Variants in ANXA13 observed in about 807,000 individuals in gnomAD.
ANXA13 encodes the protein annexin A13, also known as annexin XIII.
In ANXA13, 36 loss-of-function variants were observed where a neutral mutation model predicts 46.6. The observed-to-expected ratio is 0.77, with a 90% CI of 0.59 to 1.02. The LOEUF (loss-of-function observed/expected upper bound fraction) is 1.02. Ranked by LOEUF, ANXA13 falls within the 50% of genes least tolerant of loss-of-function variation. ANXA13 has a pLI of 0.00. For missense variants in ANXA13, 417 were observed against 396.5 expected (o/e 1.05, Z -0.44); for synonymous variants, 163 against 152.9 (o/e 1.07, Z -0.49).
chr8:123,701,385 G>T (rs13281855), intron 3 of ANXA13, among the ~76,000 whole-genome samples: 1 of 151,944 alleles, frequency 6.6e-6, no homozygotes, highest in Non-Finnish European at 1.5e-5. Flanking sequence ...CAGGAGAATC[G>T]CTTGAACCCG....
intron 1 of ANXA13, among the ~76,000 whole-genome samples, chr8:123,733,538 A>C (rs971570338): frequency 9.9e-5 from 15 of 152,180 alleles, no homozygotes; most frequent in African/African-American, 3.4e-4. Context: ...TGGAGACAAT[A>C]TTTATGTTGG....
chr8:123,699,925 C>A (rs374541031), intron 3 of ANXA13, among the ~76,000 whole-genome samples: 2 of 152,208 alleles, frequency 1.3e-5, no homozygotes, highest in East Asian at 1.9e-4. Context: ...CTTGTCAATA[C>A]TGAGCATTAC....
intron 1 of ANXA13, among the ~76,000 whole-genome samples, chr8:123,725,300 T>G (rs1312893638): frequency 6.6e-6 from 1 of 152,196 alleles, no homozygotes; most frequent in Non-Finnish European, 1.5e-5. Context: ...AATCTGAAGT[T>G]TGGGAGACAT....
At chr8:123,722,522 T>C (rs1813903481) in intron 1 of ANXA13, among the ~76,000 whole-genome samples, 1 of 152,114 alleles carries the variant, frequency 6.6e-6, no homozygotes, top group South Asian at 2.1e-4. Flanking sequence ...ATATTCTCGA[T>C]GATGAGAAAA....
chr8:123,718,133 C>T (rs997640649), intron 1 of ANXA13, among the ~76,000 whole-genome samples: 2 of 152,206 alleles, frequency 1.3e-5, no homozygotes, highest in East Asian at 3.8e-4. Context: ...GTTCCTACCA[C>T]GTAAGGTTCC....
At chr8:123,695,906 G>GCCCCCCCCCCCCCCCCCCCCCCCCCCCCC (rs369319261) in intron 4 of ANXA13, among the ~76,000 whole-genome samples, 185 bp from the exon 5 acceptor site, 1 of 91,152 alleles carries the variant, frequency 1.1e-5, no homozygotes, top group African/African-American at 4.2e-5. Flanking sequence ...GTGACGGCCC[G>GCCCCCCCCCCCCCCCCCCCCCCCCCCCCC]CCCCCCCCCC....
intron 4 of ANXA13, among the ~76,000 whole-genome samples, chr8:123,696,953 A>G (rs558623366): frequency 1.3e-5 from 2 of 152,376 alleles, no homozygotes; most frequent in Admixed American, 6.5e-5. Flanking sequence ...TCTGTCGCTC[A>G]GGCTGGAGTG....
At chr8:123,695,900 C>G (rs6983588) in intron 4 of ANXA13, among the ~76,000 whole-genome samples, 179 bp from the exon 5 acceptor site, 5 of 143,702 alleles carry the variant, frequency 3.5e-5, no homozygotes, top group Non-Finnish European at 4.5e-5. Flanking sequence ...GGAGATGTGA[C>G]GGCCCGCCCC....
Position 123,690,417 on chromosome 8 carries a change from C to T in ANXA13, c.643-1471G>A, listed in dbSNP as rs1813212505. 6.6e-6 allele frequency among the ~76,000 whole-genome samples: 1 copy of T among 152,156 alleles called. No individual in the cohort carries two copies. The highest frequency in any genetic ancestry group is 2.1e-4 in the South Asian group (1 of 4,836). On this transcript the variant is annotated intron_variant, in intron 8 of 10. Coordinates refer to ENST00000419625, the MANE Select transcript of ANXA13 (RefSeq NM_004306.4). This position sits in a 1 kb window ranked among gnomAD's most constrained non-coding sequence, Gnocchi z 4.6. ...GGCATCTATACCATGTTTTTGCCCG[C>T]TCAGGTTTTTTCCTTGCACAACTCC...
chr8:123,686,844 G>A (rs1461707714), intron 9 of ANXA13, among the ~76,000 whole-genome samples: 1 of 152,158 alleles, frequency 6.6e-6, no homozygotes, highest in Admixed American at 6.5e-5. Flanking sequence ...GTGGGAGCGG[G>A]GTGGGAAGTG....
At position 123,684,671 on chromosome 8, in the gene ANXA13, G is replaced by T; in HGVS notation, c.770C>A (p.Ser257Ter). 1 of 1,614,126 alleles carries T rather than the reference G, an allele frequency of 6.2e-7. No individual in the cohort carries two copies. Reference sequence around the variant, plus strand: ...CTCATCGGTCCCCGCACCCTTCATCGACTTGTACAGACGTTCAGCAAAATA... The same window carrying T: ...CTCATCGGTCCCCGCACCCTTCATCTACTTGTACAGACGTTCAGCAAAATA... ...EDYFAERLYK[S>*]MKGAGTDEET... The change falls in exon 10 of 11, where the codon TCG (serine) becomes TAG (stop). Residue 257 changes from serine to a stop codon, truncating the protein, a stop_gained. Transcript: ENST00000419625. LOFTEE classifies it high-confidence loss of function.
chr8:123,735,874 G>A (rs1814255073), intron 1 of ANXA13: 2 of 1,594,226 alleles, frequency 1.3e-6, no homozygotes. Context: ...GTGTACGACT[G>A]GCTCTGAGGA....
chr8:123,695,352 G>A (rs1446502159), intron 6 of ANXA13, 150 bp downstream of exon 6: 6 of 641,028 alleles, frequency 9.4e-6, no homozygotes, highest in Non-Finnish European at 2.7e-6. Context: ...ACCAGAGCTG[G>A]GCTGATGGAG....
chr8:123,698,705 CA>C, intron 3 of ANXA13, 146 bp from the exon 4 acceptor site: 1 of 820,760 alleles, frequency 1.2e-6, no homozygotes, highest in Non-Finnish European at 1.9e-6. Flanking sequence ...TGAGAACATG[CA>C]ACCTGCTCTC....
intron 1 of ANXA13, among the ~76,000 whole-genome samples, chr8:123,733,257 AT>A (rs1325062980): frequency 2.0e-5 from 3 of 152,178 alleles, no homozygotes; most frequent in Non-Finnish European, 2.9e-5. Context: ...GTCTTTTGAA[AT>A]GATCTAGACT....
chr8:123,703,829 G>A (rs2129873126), intron 2 of ANXA13, among the ~76,000 whole-genome samples: 1 of 152,316 alleles, frequency 6.6e-6, no homozygotes, highest in South Asian at 2.1e-4. Flanking sequence ...AGGGGAGAAT[G>A]TCCTTGTTTG....
intron 1 of ANXA13, chr8:123,729,064 G>A (rs368551048): frequency 1.3e-4 from 20 of 152,146 alleles, no homozygotes; most frequent in Middle Eastern, 3.4e-3. Context: ...ATAAGAAAGC[G>A]GTGATGATAA....
At chr8:123,719,789 C>A (rs147168248) in intron 1 of ANXA13, among the ~76,000 whole-genome samples, 335 of 152,316 alleles carry the variant, frequency 2.2e-3, no homozygotes, top group African/African-American at 7.1e-3. Flanking sequence ...GTCAGACCTA[C>A]TCTGTTCAAT....
chr8:123,696,225 T>C (rs767502614), intron 4 of ANXA13, among the ~76,000 whole-genome samples: 1 of 152,144 alleles, frequency 6.6e-6, no homozygotes, highest in Non-Finnish European at 1.5e-5. Context: ...CTCTCAATAA[T>C]AGTATCCCGG....
Sources: gnomAD v4.1 joint callset for allele counts (sites outside exome capture counted in the v4.1 genomes callset) on GRCh38, gnomAD v4.1.1 for gene constraint, Gnocchi (gnomAD v3.1) non-coding constraint, MANE v1.5 for transcripts, NCBI Gene and HGNC (gene_info 2026-07-23, HGNC 2026-07-21) for gene names.